ZNF680: variants seen among roughly 807,000 people sequenced by gnomAD.
The protein encoded by ZNF680 is hypothetical protein FLJ90430.
A neutral mutation model predicts 12.1 loss-of-function variants in ZNF680; 6 were observed. That is an observed-to-expected ratio of 0.49 (90% confidence interval 0.27 to 0.98). The LOEUF (loss-of-function observed/expected upper bound fraction) is 0.98. Among genes scored for constraint, ZNF680 ranks in the 50% least tolerant of loss-of-function variants. The pLI is 0.12. For synonymous variants in ZNF680, 170 were observed against 199.3 expected (o/e 0.85, Z 1.24); for missense variants, 561 against 616.3 (o/e 0.91, Z 0.95).
At chr7:64,519,874 A>T (rs928262265), downstream of ZNF680, 1 of 151,844 alleles carries the variant, frequency 6.6e-6, no homozygotes, top group Non-Finnish European at 1.5e-5. Context: ...AATGCACAAT[A>T]GTCTTAACAT....
intron 3 of ZNF680, among the ~76,000 whole-genome samples, chr7:64,536,111 A>G (rs1786150920): frequency 6.6e-6 from 1 of 152,208 alleles, no homozygotes; most frequent in South Asian, 2.1e-4. Flanking sequence ...CAAAATATAT[A>G]AAGCAAATAT....
intron 1 of ZNF680, among the ~76,000 whole-genome samples, chr7:64,551,140 G>A (rs373235642): frequency 6.6e-6 from 1 of 152,092 alleles, no homozygotes; most frequent in African/African-American, 2.4e-5. Context: ...TAATTGGGGA[G>A]GCCATCCGTG....
intron 1 of ZNF680, among the ~76,000 whole-genome samples, chr7:64,546,556 A>G (rs1027789413): frequency 6.6e-6 from 1 of 152,214 alleles, no homozygotes; most frequent in African/African-American, 2.4e-5. Context: ...AGCCTGGGCA[A>G]CATGGTGAAA....
chr7:64,522,890 C>A (rs756357506), intron 3 of ZNF680, among the ~76,000 whole-genome samples: 8 of 151,072 alleles, frequency 5.3e-5, no homozygotes, highest in Non-Finnish European at 7.4e-5. Flanking sequence ...AAATAGATAT[C>A]AAATGAGAAT....
chr7:64,525,132 T>C (rs2116383180), intron 3 of ZNF680: 1 of 152,296 alleles, frequency 6.6e-6, no homozygotes, highest in Non-Finnish European at 1.5e-5. Flanking sequence ...TTACAGTTTC[T>C]GATTTTGAAA....
chr7:64,521,015 G>T lies in ZNF680; in HGVS notation c.*146C>A. 2 of 863,604 alleles carry T rather than the reference G, an allele frequency of 2.3e-6. No homozygotes were observed. Among genetic ancestry groups the T allele is most frequent in the South Asian group, 1.9e-5 (1 of 51,860 alleles). The allele number at this position is 863,604 out of a possible 1,614,324, so 53.5% of individuals were successfully genotyped here. A position where few individuals can be genotyped will look rare whatever the true frequency, so the allele number is the denominator to read the frequency against. ...AAGATGTGAGTATTGGTTAAGTTTT[G>T]TCACATTCTTTACACTTATAAAGTT... On this transcript the variant is annotated 3_prime_UTR_variant, in exon 4 of 4. Transcript: ENST00000309683.
At chr7:64,509,382 C>T in the ZNF680 span, among the ~76,000 whole-genome samples, 2 of 152,132 alleles carry the variant, frequency 1.3e-5, no homozygotes, top group Non-Finnish European at 2.9e-5. Context: ...GGAAGCCATC[C>T]TAATAAGACA....
At chr7:64,523,782 G>A (rs1188885935) in intron 3 of ZNF680, among the ~76,000 whole-genome samples, 7 of 151,818 alleles carry the variant, frequency 4.6e-5, no homozygotes, top group Non-Finnish European at 8.8e-5. Flanking sequence ...GCATGGTGGT[G>A]GGCGCCTGTA....
chr7:64,553,521 T>G (rs571283420), intron 1 of ZNF680, among the ~76,000 whole-genome samples: 1 of 150,610 alleles, frequency 6.6e-6, no homozygotes, highest in African/African-American at 2.4e-5. Flanking sequence ...GGAGTGGCCT[T>G]GGGCACACTG....
At position 64,551,791 on chromosome 7, in the gene ZNF680, A is replaced by G. The variant is rs1382322727; in HGVS notation, c.31-7359T>C. On this transcript the variant is annotated intron_variant, in intron 1 of 3. Coordinates refer to ENST00000309683, the MANE Select transcript of ZNF680 (RefSeq NM_178558.5). The stretch of plus-strand genomic sequence containing the variant: ...TCTCAGTCTCAGAAAGATTATACCG[A>G]GAGAAAAAATAAGTTAAATGTATCT... The G allele has an allele frequency of 2.0e-5, 3 of 153,036 alleles. No homozygotes were observed. The East Asian group carries it at 5.8e-4, about 29-fold the overall frequency. 9.5% of individuals were successfully genotyped at this position (153,036 alleles called of 1,614,324 possible). A position where few individuals can be genotyped will look rare whatever the true frequency, so the allele number is the denominator to read the frequency against.
chr7:64,504,470 C>T, the ZNF680 span, among the ~76,000 whole-genome samples: 1 of 151,576 alleles, frequency 6.6e-6, no homozygotes. Flanking sequence ...ATTTGGTTTA[C>T]GTTTAACTGT....
chr7:64,546,385 C>T (rs1562766210), intron 1 of ZNF680, among the ~76,000 whole-genome samples: 3 of 152,070 alleles, frequency 2.0e-5, no homozygotes, highest in Non-Finnish European at 2.9e-5. Context: ...AAAAGTCCAC[C>T]CACTTCTGTC....
the ZNF680 span, among the ~76,000 whole-genome samples, chr7:64,508,868 TAGTC>T: frequency 6.6e-6 from 1 of 152,218 alleles, no homozygotes; most frequent in Non-Finnish European, 1.5e-5. Context: ...TGGGTAGAGT[TAGTC>T]AGTGTCTTAG....
the ZNF680 span, among the ~76,000 whole-genome samples, chr7:64,508,514 T>G: frequency 6.6e-6 from 1 of 152,188 alleles, no homozygotes; most frequent in Non-Finnish European, 1.5e-5. Context: ...AAATTTCCTG[T>G]ACACTCGCTA....
At chr7:64,510,164 A>G in the ZNF680 span, among the ~76,000 whole-genome samples, 1 of 151,878 alleles carries the variant, frequency 6.6e-6, no homozygotes, top group Non-Finnish European at 1.5e-5. Flanking sequence ...CCCATTCCCA[A>G]TTAAAATAAA....
chr7:64,525,748 G>A, intron 3 of ZNF680: 3 of 927,158 alleles, frequency 3.2e-6, no homozygotes, highest in Non-Finnish European at 3.9e-6. Flanking sequence ...TCTTTAAATA[G>A]AAAAGTTTTT....
At chr7:64,500,974 G>C in the ZNF680 span, 1 of 665,730 alleles carries the variant, frequency 1.5e-6, no homozygotes, top group Non-Finnish European at 2.8e-6. Context: ...CAGTTCATAA[G>C]GGCTTTGCCT....
intron 3 of ZNF680, among the ~76,000 whole-genome samples, chr7:64,536,846 A>G (rs886528038): frequency 1.3e-5 from 2 of 152,186 alleles, no homozygotes; most frequent in African/African-American, 4.8e-5. Flanking sequence ...AGGTGGGAGT[A>G]TCATTTGGCA....
chr7:64,521,358 C>G lies in ZNF680; in HGVS notation c.1396G>C (p.Glu466Gln). 6.2e-7 allele frequency: 1 copy of G among 1,613,484 alleles called. No individual in the cohort carries two copies. Among genetic ancestry groups the G allele is most frequent in the South Asian group, 1.1e-5 (1 of 91,044 alleles). The change falls in exon 4 of 4, where the codon GAA (glutamate) becomes CAA (glutamine). Residue 466 changes from glutamate to glutamine, a missense_variant. Coordinates refer to ENST00000309683, the MANE Select transcript of ZNF680 (RefSeq NM_178558.5). ...GGCCAGTTAAAAACATTGCCACATT[C>G]ATCACATTTGTAGGATTTCTCTCCA... ...HTGEKSYKCD[E>Q]CGNVFNWPAT...
Sources: gnomAD v4.1 joint callset for allele counts (sites outside exome capture counted in the v4.1 genomes callset) on GRCh38, gnomAD v4.1.1 for gene constraint, MANE v1.5 for transcripts, NCBI Gene and HGNC (gene_info 2026-07-23, HGNC 2026-07-21) for gene names.